The following PDE4B variants were observed in gnomAD, a reference collection of about 807,000 sequenced individuals.
PDE4B encodes the protein phosphodiesterase 4B.
In PDE4B, 20 loss-of-function variants were observed where a neutral mutation model predicts 82.2. That is an observed-to-expected ratio of 0.24 (90% CI 0.17 to 0.35). PDE4B has a LOEUF of 0.35. PDE4B is among the 10% of genes least tolerant of loss of function. The pLI, the probability that PDE4B is intolerant of heterozygous loss-of-function variation, is 1.00. For synonymous variants in PDE4B, 320 were observed against 318.9 expected (o/e 1.00, Z -0.04); for missense variants, 655 against 907.2 (o/e 0.72, Z 3.57).
At chr1:66,026,971 G>T (rs550341783) in intron 3 of PDE4B, among the ~76,000 whole-genome samples, 1 of 152,216 alleles carries the variant, frequency 6.6e-6, no homozygotes, top group East Asian at 1.9e-4. Flanking sequence ...TGCAAACTAA[G>T]ATTTGTTTTG....
intron 16 of PDE4B, among the ~76,000 whole-genome samples, chr1:66,370,256 C>A (rs536652793): frequency 1.3e-5 from 2 of 150,016 alleles, no homozygotes; most frequent in Non-Finnish European, 2.9e-5. Context: ...AGGGTTAATT[C>A]GAATAGCCCA....
intron 6 of PDE4B, among the ~76,000 whole-genome samples, chr1:66,264,955 C>A (rs1019031006): frequency 4.6e-5 from 7 of 152,182 alleles, no homozygotes; most frequent in African/African-American, 1.7e-4. Context: ...TAATAGCTCC[C>A]CAGATGAGTC....
At chr1:66,305,435 TA>T (rs1658202285) in intron 7 of PDE4B, among the ~76,000 whole-genome samples, 2 of 152,152 alleles carry the variant, frequency 1.3e-5, no homozygotes, top group East Asian at 3.8e-4. Context: ...AAACAACAGG[TA>T]ATTTTTTTAG....
At chr1:65,864,879 A>T (rs896557414) in intron 1 of PDE4B, among the ~76,000 whole-genome samples, 7 of 152,198 alleles carry the variant, frequency 4.6e-5, no homozygotes, top group African/African-American at 1.7e-4. Flanking sequence ...GTCCCTTAGC[A>T]GAGCTCAAAC....
chr1:66,118,465 G>A (rs1297264085), intron 3 of PDE4B, among the ~76,000 whole-genome samples: 1 of 151,802 alleles, frequency 6.6e-6, no homozygotes, highest in Non-Finnish European at 1.5e-5. Context: ...GCAAACTATT[G>A]CAAGGACAAA....
intron 1 of PDE4B, among the ~76,000 whole-genome samples, chr1:65,857,986 G>A (rs1229089926): frequency 6.6e-6 from 1 of 151,830 alleles, no homozygotes; most frequent in Non-Finnish European, 1.5e-5. Context: ...CTAGCCTGGA[G>A]CTTTCTTTTG....
At chr1:65,962,285 T>C (rs1024024991) in intron 3 of PDE4B, among the ~76,000 whole-genome samples, 4 of 152,024 alleles carry the variant, frequency 2.6e-5, no homozygotes, top group Non-Finnish European at 5.9e-5. Flanking sequence ...CAAAAAGGGG[T>C]CAGTTGAACC....
chr1:66,031,728 A>C (rs1333411589), intron 3 of PDE4B, among the ~76,000 whole-genome samples: 3 of 152,226 alleles, frequency 2.0e-5, no homozygotes, highest in African/African-American at 7.2e-5. Flanking sequence ...CAAGATTATC[A>C]TGGAAAAATA....
intron 8 of PDE4B, among the ~76,000 whole-genome samples, chr1:66,343,859 AT>A (rs536215650): frequency 0.053 from 7,821 of 148,136 alleles, 642 homozygotes; most frequent in African/African-American, 0.17. Flanking sequence ...TAAAGATAGA[AT>A]TTTTTTTTTT....
intron 7 of PDE4B, among the ~76,000 whole-genome samples, chr1:66,268,667 C>CAAAAAAAAA (rs36046564): frequency 4.4e-4 from 27 of 61,208 alleles, no homozygotes; most frequent in South Asian, 7.4e-4. Context: ...GACTCCATCT[C>CAAAAAAAAA]AAAAAAAAAA....
At chr1:65,891,037 T>C (rs965253007) in intron 1 of PDE4B, among the ~76,000 whole-genome samples, 2 of 152,044 alleles carry the variant, frequency 1.3e-5, no homozygotes, top group Non-Finnish European at 2.9e-5. Context: ...ATGACTATAA[T>C]AGTACCAGAT....
intron 3 of PDE4B, among the ~76,000 whole-genome samples, chr1:66,207,065 T>C (rs1649612522): frequency 6.6e-6 from 1 of 152,134 alleles, no homozygotes; most frequent in Non-Finnish European, 1.5e-5. Context: ...CCCCTGTAAA[T>C]AGTAATGGAA....
intron 3 of PDE4B, among the ~76,000 whole-genome samples, chr1:65,926,737 T>G (rs1394601376): frequency 2.0e-5 from 3 of 152,102 alleles, no homozygotes; most frequent in Admixed American, 1.3e-4. Flanking sequence ...CTCTTGCTAC[T>G]TGATCTAGGT....
intron 3 of PDE4B, among the ~76,000 whole-genome samples, chr1:66,048,266 A>G (rs1654822755): frequency 2.0e-5 from 3 of 151,478 alleles, no homozygotes; most frequent in South Asian, 2.1e-4. Context: ...CTTTTGCACC[A>G]CCCCCATACT....
At chr1:66,171,293 T>C (rs1461652174) in intron 3 of PDE4B, among the ~76,000 whole-genome samples, 3 of 152,198 alleles carry the variant, frequency 2.0e-5, no homozygotes, top group Non-Finnish European at 4.4e-5. Flanking sequence ...ATGAAATCTT[T>C]TCTTCCCATT....
chr1:65,897,627 C>T (rs531634386), intron 1 of PDE4B, among the ~76,000 whole-genome samples: 1 of 152,134 alleles, frequency 6.6e-6, no homozygotes, highest in Non-Finnish European at 1.5e-5. Context: ...GGATAATGGC[C>T]TCCAGCTGCA....
At chr1:66,183,575 A>G (rs1383473754) in intron 3 of PDE4B, among the ~76,000 whole-genome samples, 1 of 152,160 alleles carries the variant, frequency 6.6e-6, no homozygotes, top group Non-Finnish European at 1.5e-5. Flanking sequence ...AAAATACCTG[A>G]ATCTGTATAG....
At chr1:66,181,942 G>T (rs558009940) in intron 3 of PDE4B, among the ~76,000 whole-genome samples, 1 of 152,160 alleles carries the variant, frequency 6.6e-6, no homozygotes, top group South Asian at 2.1e-4. Context: ...GGGAAAAAAA[G>T]ATAGAGCAAA....
chr1:66,323,316 T>C (rs907989528), intron 7 of PDE4B, among the ~76,000 whole-genome samples: 1 of 152,140 alleles, frequency 6.6e-6, no homozygotes, highest in Admixed American at 6.6e-5. Context: ...CTCATAACTT[T>C]CCAAGGCAGG....
Sources: allele counts gnomAD v4.1 joint callset (sites outside exome capture counted in the v4.1 genomes callset), GRCh38; gene constraint gnomAD v4.1.1; transcripts MANE v1.5; gene names NCBI Gene and HGNC (gene_info 2026-07-23, HGNC 2026-07-21).